Variants in RDH11 observed in about 807,000 individuals in gnomAD.
The protein encoded by RDH11 is HCV core-binding protein HCBP12.
A neutral mutation model predicts 33.4 loss-of-function variants in RDH11; 19 were observed. The ratio of observed to expected loss-of-function variants is 0.57; its 90% CI spans 0.40 to 0.83. The LOEUF is 0.83. Ranked by LOEUF, RDH11 falls within the 40% of genes least tolerant of loss-of-function variation. The pLI is 0.00. For synonymous variants in RDH11, 154 were observed against 155.3 expected (o/e 0.99, Z 0.06); for missense variants, 353 against 389.0 (o/e 0.91, Z 0.78).
In RDH11 at chr14:67,690,255, T is replaced by C; in HGVS notation, c.621A>G (p.Leu207=). Reference sequence around the variant, plus strand: ...GTTCCTGGGTGAAGAGGATGTTGGCTAGCTTGCTGTGACAGTAGGCCAGGC... The same window carrying C: ...GTTCCTGGGTGAAGAGGATGTTGGCCAGCTTGCTGTGACAGTAGGCCAGGC... The part of the protein sequence containing the change: ...NAGLAYCHSK[L]ANILFTQELA... Residue 207 remains leucine, a synonymous_variant, in exon 5 of 7, where the codon CTA becomes CTG. Coordinates refer to ENST00000381346, the MANE Select transcript of RDH11 (RefSeq NM_016026.4). 6.2e-7 allele frequency: 1 copy of C among 1,614,030 alleles called. No homozygotes were observed. Among genetic ancestry groups the C allele is most frequent in the Non-Finnish European group, 8.5e-7 (1 of 1,180,016 alleles).
intron 4 of RDH11, 175 bp from the exon 5 acceptor site, chr14:67,690,596 C>T (rs2037736960): frequency 1.7e-6 from 1 of 605,996 alleles, no homozygotes; most frequent in South Asian, 2.0e-5. Context: ...ATAACAACAG[C>T]CAAAGACATG....
intron 6 of RDH11, among the ~76,000 whole-genome samples, chr14:67,682,311 A>G (rs2037625414): frequency 6.6e-6 from 1 of 152,226 alleles, no homozygotes; most frequent in Admixed American, 6.5e-5. Flanking sequence ...TACCATTAAG[A>G]AAGTTAAAAG....
intron 6 of RDH11, among the ~76,000 whole-genome samples, chr14:67,682,446 G>A (rs1417802243): frequency 2.0e-5 from 3 of 152,064 alleles, no homozygotes. Context: ...AATGGGCAAA[G>A]GACTTGATAG....
intron 1 of RDH11, 59 bp downstream of exon 1, chr14:67,695,571 T>G: frequency 6.5e-7 from 1 of 1,529,326 alleles, no homozygotes; most frequent in Non-Finnish European, 9.0e-7. Context: ...GGGGATTCTA[T>G]GTTTCCCTCC....
intron 5 of RDH11, among the ~76,000 whole-genome samples, chr14:67,687,057 CA>C (rs1461496079): frequency 6.6e-6 from 1 of 152,148 alleles, no homozygotes; most frequent in African/African-American, 2.4e-5. Context: ...CCCAATCAGG[CA>C]AAAGGGTTCT....
chr14:67,680,602 G>A (rs918055928), intron 6 of RDH11, among the ~76,000 whole-genome samples: 3 of 152,050 alleles, frequency 2.0e-5, no homozygotes, highest in Non-Finnish European at 4.4e-5. Context: ...AGGACCACAG[G>A]GACACGCCAC....
intron 6 of RDH11, among the ~76,000 whole-genome samples, chr14:67,678,656 T>C (rs952325982): frequency 6.6e-6 from 1 of 152,234 alleles, no homozygotes; most frequent in African/African-American, 2.4e-5. Flanking sequence ...TTGTTTGATA[T>C]ATAATGCATA....
intron 6 of RDH11, among the ~76,000 whole-genome samples, chr14:67,681,733 C>T (rs2037618689): frequency 6.6e-6 from 1 of 151,942 alleles, no homozygotes; most frequent in Non-Finnish European, 1.5e-5. Flanking sequence ...AGTGAGCAGC[C>T]TGGGTCACAG....
At chr14:67,683,669 G>C (rs1422071442) in intron 6 of RDH11, among the ~76,000 whole-genome samples, 2 of 152,184 alleles carry the variant, frequency 1.3e-5, no homozygotes, top group Admixed American at 1.3e-4. Context: ...CTAGAGAATG[G>C]ATGATAAGCA....
At chr14:67,688,694 T>A (rs2140073333) in intron 5 of RDH11, among the ~76,000 whole-genome samples, 1 of 151,838 alleles carries the variant, frequency 6.6e-6, no homozygotes, top group South Asian at 2.1e-4. Flanking sequence ...TTTGGCCTCC[T>A]AAAGTGCCTG....
chr14:67,681,030 A>G (rs1406051916), intron 6 of RDH11, among the ~76,000 whole-genome samples: 3 of 152,230 alleles, frequency 2.0e-5, no homozygotes, highest in Non-Finnish European at 2.9e-5. Flanking sequence ...CCCAAAATTA[A>G]TATGTTGAAT....
At chr14:67,687,038 C>A (rs536524129) in intron 5 of RDH11, among the ~76,000 whole-genome samples, 8 of 152,266 alleles carry the variant, frequency 5.3e-5, no homozygotes, top group African/African-American at 1.9e-4. Flanking sequence ...TTGCAGTGTT[C>A]CCGACATGCC....
intron 6 of RDH11, among the ~76,000 whole-genome samples, chr14:67,683,855 C>T (rs78204770): frequency 0.1 from 15,863 of 152,246 alleles, 912 homozygotes; most frequent in Middle Eastern, 0.21. Flanking sequence ...TTAAGCTAGA[C>T]AAAGTCCCTT....
rs1370960344 is a variant in RDH11 at position 67,693,056 on chromosome 14, C to G, written c.75-4G>C. ...CACCCCACTGGACAGCATTTTCCTG[C>G]AGACAGAGAAGGAGAGCTCATCAAT... is the stretch of plus-strand genomic sequence containing the variant. On this transcript the variant is annotated splice_polypyrimidine_tract_variant and splice_region_variant and intron_variant, in intron 1 of 6. Transcript: ENST00000381346. 6.2e-7 allele frequency: 1 copy of G among 1,601,458 alleles called. No homozygotes were observed.
intron 2 of RDH11, 28 bp from the exon 3 acceptor site, chr14:67,692,621 G>A: frequency 6.6e-7 from 1 of 1,519,854 alleles, no homozygotes; most frequent in South Asian, 1.3e-5. Flanking sequence ...AAAGAGAAAT[G>A]GTCAGCTCTG....
chr14:67,683,561 A>G (rs1360148125), intron 6 of RDH11, among the ~76,000 whole-genome samples: 1 of 152,178 alleles, frequency 6.6e-6, no homozygotes, highest in Non-Finnish European at 1.5e-5. Context: ...TTTTCCCCTC[A>G]ATATAGTTTG....
intron 5 of RDH11, among the ~76,000 whole-genome samples, chr14:67,688,317 T>A (rs2037706418): frequency 6.6e-6 from 1 of 152,108 alleles, no homozygotes; most frequent in Non-Finnish European, 1.5e-5. Flanking sequence ...AGGAAATACA[T>A]AAATACACTA....
At chr14:67,683,539 T>C (rs56244142) in intron 6 of RDH11, among the ~76,000 whole-genome samples, 1 of 152,142 alleles carries the variant, frequency 6.6e-6, no homozygotes, top group Non-Finnish European at 1.5e-5. Flanking sequence ...GATTTCCTTC[T>C]GCAGAATCAC....
intron 2 of RDH11, 132 bp downstream of exon 2, chr14:67,692,802 G>A: frequency 1.1e-6 from 1 of 881,900 alleles, no homozygotes; most frequent in Non-Finnish European, 1.8e-6. Flanking sequence ...ACTAGTTTCA[G>A]ATCAGCAAAT....
Sources: gnomAD v4.1 joint callset for allele counts (sites outside exome capture counted in the v4.1 genomes callset) on GRCh38, gnomAD v4.1.1 for gene constraint, MANE v1.5 for transcripts, NCBI Gene and HGNC (gene_info 2026-07-23, HGNC 2026-07-21) for gene names.